ISM2: variants seen among roughly 807,000 people sequenced by gnomAD.
ISM2 encodes isthmin-2.
In ISM2, 50 loss-of-function variants were observed where a neutral mutation model predicts 58.0. That is an observed-to-expected ratio of 0.86 (90% CI 0.69 to 1.09). ISM2 has a LOEUF of 1.09. Ranked by LOEUF, ISM2 falls within the 50% of genes least tolerant of loss-of-function variation. The pLI, the probability that ISM2 is intolerant of heterozygous loss-of-function variation, is 0.00. For synonymous variants in ISM2, 303 were observed against 312.4 expected (o/e 0.97, Z 0.32); for missense variants, 723 against 745.0 (o/e 0.97, Z 0.34).
At chr14:77,495,756 A>G (rs929178573) in intron 1 of ISM2, among the ~76,000 whole-genome samples, 4 of 152,144 alleles carry the variant, frequency 2.6e-5, no homozygotes, top group Non-Finnish European at 4.4e-5. Context: ...TATGCCCCAA[A>G]ATGACGAGGG....
intron 6 of ISM2, 23 bp from the exon 7 acceptor site, chr14:77,476,135 G>T: frequency 1.3e-6 from 2 of 1,504,492 alleles, no homozygotes; most frequent in Non-Finnish European, 1.8e-6. Flanking sequence ...ACAAAGTGCA[G>T]GAGGGAAGCC....
At chr14:77,490,075 G>A (rs1351748696) in intron 1 of ISM2, among the ~76,000 whole-genome samples, 1 of 152,206 alleles carries the variant, frequency 6.6e-6, no homozygotes, top group Non-Finnish European at 1.5e-5. Flanking sequence ...GTGTTAGCCA[G>A]GATGGTCTCA....
chr14:77,490,397 G>T (rs575113878), intron 1 of ISM2, among the ~76,000 whole-genome samples: 45 of 7,612 alleles, frequency 5.9e-3, no homozygotes, highest in African/African-American at 8.6e-3. Flanking sequence ...AAAGAACGGA[G>T]CCAGTCTTGC....
At chr14:77,478,198 C>T in intron 6 of ISM2, 44 bp downstream of exon 6, 1 of 1,529,578 alleles carries the variant, frequency 6.5e-7, no homozygotes, top group Non-Finnish European at 9.1e-7. Context: ...CCCCTGAGAG[C>T]TCGTTCCCCA....
chr14:77,481,561 AGAG>A (rs1594948129), intron 4 of ISM2, among the ~76,000 whole-genome samples: 1 of 152,138 alleles, frequency 6.6e-6, no homozygotes, highest in East Asian at 1.9e-4. Flanking sequence ...CCCATTCTAT[AGAG>A]GAAGGAACTG....
intron 1 of ISM2, among the ~76,000 whole-genome samples, chr14:77,493,405 T>C (rs2079218790): frequency 6.6e-6 from 1 of 152,140 alleles, no homozygotes; most frequent in Non-Finnish European, 1.5e-5. Flanking sequence ...AAACTGAGGC[T>C]CAGCAACAGG....
chr14:77,487,479 C>T (rs1255342883), intron 1 of ISM2, among the ~76,000 whole-genome samples: 1 of 152,164 alleles, frequency 6.6e-6, no homozygotes, highest in Non-Finnish European at 1.5e-5. Flanking sequence ...ATGTTCCTTT[C>T]CAGACCTCTC....
intron 1 of ISM2, among the ~76,000 whole-genome samples, chr14:77,485,666 G>A (rs963998035): frequency 6.6e-6 from 1 of 152,260 alleles, no homozygotes; most frequent in Non-Finnish European, 1.5e-5. Context: ...GCTGCCACCT[G>A]CCTCCAGGCT....
At chr14:77,479,811 G>A (rs915739998) in intron 4 of ISM2, among the ~76,000 whole-genome samples, 1 of 151,982 alleles carries the variant, frequency 6.6e-6, no homozygotes, top group Non-Finnish European at 1.5e-5. Flanking sequence ...CACTGCACCC[G>A]GCTAAGCCTG....
chr14:77,478,674 T>C lies in ISM2; in HGVS notation c.1015A>G (p.Ser339Gly), dbSNP rs769956522. The change falls in exon 5 of 7, where the codon AGT (serine) becomes GGT (glycine). Residue 339 changes from serine (S) to glycine (G), a missense_variant. Transcript: ENST00000342219. ...TGCTTGCCAGTGCTGCAGTTCCCAC[T>C]GCAGGGAGACCAGGGACTCCACTCC... ...QKEWSPWSPC[S>G]GNCSTGKQQR... 6.2e-7 allele frequency: 1 copy of C among 1,613,426 alleles called. No homozygotes were observed. Among genetic ancestry groups the C allele is most frequent in the African/African-American group, 1.3e-5 (1 of 74,876 alleles).
chr14:77,479,986 A>T (rs961635637), intron 4 of ISM2, among the ~76,000 whole-genome samples: 1 of 152,092 alleles, frequency 6.6e-6, no homozygotes, highest in Non-Finnish European at 1.5e-5. Flanking sequence ...GTCAATCAAA[A>T]CCAAGGGTGA....
intron 1 of ISM2, among the ~76,000 whole-genome samples, chr14:77,486,132 C>T (rs1470032389): frequency 6.6e-6 from 1 of 152,310 alleles, no homozygotes; most frequent in East Asian, 1.9e-4. Context: ...GTTGCACAGA[C>T]ATTTAGCGAT....
chr14:77,496,186 C>CTAA (rs1566759873), intron 1 of ISM2, among the ~76,000 whole-genome samples: 27 of 118,236 alleles, frequency 2.3e-4, no homozygotes, highest in African/African-American at 3.6e-4. Context: ...GACTCCATGC[C>CTAA]AAAAAAAAAA....
chr14:77,496,826 AAAAAAAAAAAT>A, intron 1 of ISM2, among the ~76,000 whole-genome samples: 2 of 144,246 alleles, frequency 1.4e-5, no homozygotes, highest in African/African-American at 5.0e-5. Context: ...AAAAAAAAAA[AAAAAAAAAAAT>A]TCATGGGGAG....
intron 1 of ISM2, among the ~76,000 whole-genome samples, chr14:77,495,737 A>G (rs904007106): frequency 6.6e-6 from 1 of 152,176 alleles, no homozygotes; most frequent in Non-Finnish European, 1.5e-5. Flanking sequence ...CCCCTACCAC[A>G]AAGAATTATA....
In ISM2 at chr14:77,475,652, G is replaced by GGTGCAGGCTCGGA. The variant is rs2079092178; in HGVS notation, c.1658_1659insTCCGAGCCTGCAC (p.Asp554ProfsTer56). On this transcript the variant is annotated frameshift_variant, in exon 7 of 7. Coordinates refer to ENST00000342219, the MANE Select transcript of ISM2 (RefSeq NM_199296.3). LOFTEE classifies it high-confidence loss of function. This position sits in a 1 kb window ranked among gnomAD's most constrained non-coding sequence, Gnocchi z 4.1. ...GGTACTCCTCCTCCAGGGGGTTGTC[G>GGTGCAGGCTCGGA]GTGCAGGCTCGGCCGTTGTTGGGAG... 6.2e-7 allele frequency: 1 copy of GGTGCAGGCTCGGA among 1,612,458 alleles called. No homozygotes were observed. The highest frequency in any genetic ancestry group is 2.2e-5 in the East Asian group (1 of 44,852).
chr14:77,497,656 C>T (rs1209394038), intron 1 of ISM2, among the ~76,000 whole-genome samples: 3 of 147,914 alleles, frequency 2.0e-5, no homozygotes, highest in Admixed American at 6.8e-5. Context: ...ATCACACCAC[C>T]GCACTCCAGC....
Position 77,475,660 on chromosome 14 carries a change from C to T in ISM2, c.1651G>A (p.Ala551Thr), listed in dbSNP as rs1392657363. The T allele has an allele frequency of 6.2e-7, 1 of 1,613,322 alleles. No homozygotes were observed. The highest frequency in any genetic ancestry group is 1.1e-5 in the South Asian group (1 of 90,928). Residue 551 changes from alanine (A) to threonine (T), a missense_variant, in exon 7 of 7, where the codon GCC becomes ACC. Transcript: ENST00000342219. This position sits in a 1 kb window ranked among gnomAD's most constrained non-coding sequence, Gnocchi z 4.1. ...TCCTCCAGGGGGTTGTCGGTGCAGGCTCGGCCGTTGTTGGGAGGGAGCACA... is the reference window on the plus strand; with the variant it reads ...TCCTCCAGGGGGTTGTCGGTGCAGGTTCGGCCGTTGTTGGGAGGGAGCACA... The part of the protein sequence containing the change: ...HAVLPPNNGR[A>T]CTDNPLEEEY...
intron 1 of ISM2, among the ~76,000 whole-genome samples, chr14:77,488,534 G>T (rs2079181768): frequency 6.6e-6 from 1 of 152,112 alleles, no homozygotes; most frequent in Non-Finnish European, 1.5e-5. Flanking sequence ...ACATGACCGG[G>T]GTTCAATCCC....
Sources: gnomAD v4.1 joint callset for allele counts (sites outside exome capture counted in the v4.1 genomes callset) on GRCh38, gnomAD v4.1.1 for gene constraint, Gnocchi (gnomAD v3.1) non-coding constraint, MANE v1.5 for transcripts, NCBI Gene and HGNC (gene_info 2026-07-23, HGNC 2026-07-21) for gene names.